The following TAF2 variants were observed in gnomAD, a reference collection of about 807,000 sequenced individuals.
The protein encoded by TAF2 is TATA-box binding protein associated factor 2, also known as transcription initiation factor TFIID subunit 2.
Under a neutral mutation model 138.5 loss-of-function variants are expected in TAF2, and 61 were observed. The ratio of observed to expected loss-of-function variants is 0.44; its 90% CI spans 0.36 to 0.54. The LOEUF is 0.54. TAF2 is among the 20% of genes least tolerant of loss of function. The probability of loss-of-function intolerance (pLI) is 0.00; values close to 1 mark genes in which losing one functional copy is unlikely to be tolerated. For missense variants in TAF2, 1,090 were observed against 1,427.9 expected (o/e 0.76, Z 3.81); for synonymous variants, 475 against 469.9 (o/e 1.01, Z -0.14).
intron 3 of TAF2, among the ~76,000 whole-genome samples, chr8:119,812,718 G>GGTGTGT (rs201947539): frequency 0.013 from 1,803 of 143,928 alleles, 26 homozygotes; most frequent in Non-Finnish European, 0.017. Flanking sequence ...AGTATTCCAT[G>GGTGTGT]GTGTGTGTGT....
intron 2 of TAF2, among the ~76,000 whole-genome samples, chr8:119,825,806 T>C (rs915104514): frequency 6.6e-6 from 1 of 151,812 alleles, no homozygotes; most frequent in Non-Finnish European, 1.5e-5. Flanking sequence ...TGCCTCAGCC[T>C]CCTGAGTAGC....
chr8:119,791,231 G>C (rs1481715374), intron 11 of TAF2, 93 bp downstream of exon 11: 9 of 1,461,036 alleles, frequency 6.2e-6, no homozygotes, highest in East Asian at 2.3e-5. Context: ...TATAAATCCA[G>C]ATGTCCTGAC....
At chr8:119,755,179 T>C (rs940019950) in intron 22 of TAF2, among the ~76,000 whole-genome samples, 1 of 152,244 alleles carries the variant, frequency 6.6e-6, no homozygotes, top group Non-Finnish European at 1.5e-5. Context: ...AACACTGTTT[T>C]CTTACCTCTT....
At chr8:119,791,275 C>T in intron 11 of TAF2, 49 bp downstream of exon 11, 3 of 1,599,142 alleles carry the variant, frequency 1.9e-6, no homozygotes, top group Non-Finnish European at 2.6e-6. Context: ...AGATTATACA[C>T]ATACAGATCT....
intron 24 of TAF2, among the ~76,000 whole-genome samples, chr8:119,743,761 T>C (rs930163811): frequency 2.0e-5 from 3 of 151,966 alleles, no homozygotes; most frequent in African/African-American, 7.2e-5. Flanking sequence ...CTACAATACA[T>C]AAAAATGAAA....
At chr8:119,737,178 A>G (rs1384079897) in intron 25 of TAF2, among the ~76,000 whole-genome samples, 4 of 152,194 alleles carry the variant, frequency 2.6e-5, no homozygotes, top group South Asian at 2.1e-4. Flanking sequence ...ATAAAAATAA[A>G]TAACGGCATT....
chr8:119,766,718 C>T (rs1821446856), intron 18 of TAF2, among the ~76,000 whole-genome samples: 1 of 152,036 alleles, frequency 6.6e-6, no homozygotes, highest in Non-Finnish European at 1.5e-5. Context: ...CCTGTAATCC[C>T]AGCTACTCGG....
chr8:119,749,727 G>A (rs545040180), intron 22 of TAF2, among the ~76,000 whole-genome samples: 1 of 152,102 alleles, frequency 6.6e-6, no homozygotes, highest in Non-Finnish European at 1.5e-5. Context: ...CAATCCCATT[G>A]GAGAGAGGCC....
At chr8:119,760,506 G>A (rs1175203279) in intron 20 of TAF2, 93 bp downstream of exon 20, 3 of 1,367,784 alleles carry the variant, frequency 2.2e-6, no homozygotes, top group South Asian at 1.2e-5. Context: ...AAATATCTGT[G>A]TTATACATAT....
chr8:119,742,834 T>C (rs571958277), intron 24 of TAF2, among the ~76,000 whole-genome samples, 178 bp from the exon 25 acceptor site: 1 of 152,124 alleles, frequency 6.6e-6, no homozygotes, highest in South Asian at 2.1e-4. Context: ...TTAATCCCAA[T>C]GCTTTGGGAG....
intron 3 of TAF2, among the ~76,000 whole-genome samples, chr8:119,811,825 A>AT (rs1449167165): frequency 6.6e-6 from 1 of 151,620 alleles, no homozygotes; most frequent in African/African-American, 2.4e-5. Context: ...AAAAAAAAAA[A>AT]AAATAACCAA....
chr8:119,819,518 G>C lies in TAF2; in HGVS notation c.139-12C>G, dbSNP rs565265901. ...AGTTCCACAAATCCCTGTAAAGATA[G>C]AGAATAACAACTTCATTATAAAGAC... On this transcript the variant is annotated splice_polypyrimidine_tract_variant and intron_variant, in intron 2 of 25. Coordinates refer to ENST00000378164, the MANE Select transcript of TAF2 (RefSeq NM_003184.4). 6.3e-7 allele frequency: 1 copy of C among 1,596,778 alleles called. No homozygotes were observed. The highest frequency in any genetic ancestry group is 1.3e-5 in the African/African-American group (1 of 74,830).
intron 10 of TAF2, among the ~76,000 whole-genome samples, 163 bp downstream of exon 10, chr8:119,793,203 C>T (rs552316652): frequency 6.6e-6 from 1 of 152,160 alleles, no homozygotes; most frequent in East Asian, 1.9e-4. Flanking sequence ...TTATTACTTC[C>T]AATCTTATGA....
At chr8:119,755,391 G>GCCTTACT (rs1225107565) in intron 22 of TAF2, among the ~76,000 whole-genome samples, 1 of 152,178 alleles carries the variant, frequency 6.6e-6, no homozygotes, top group East Asian at 1.9e-4. Context: ...CAGCTACTCG[G>GCCTTACT]GAGGGTAAGG....
Position 119,779,915 on chromosome 8 carries a change from C to G in TAF2, c.2253+1138G>C, listed in dbSNP as rs527342495. ...ATTTACTTTCTCCCACCTGACTATT[C>G]CATCTCTGCCTCTTCACTGGCTCTT... is the stretch of plus-strand genomic sequence containing the variant. On this transcript the variant is annotated intron_variant, in intron 17 of 25. Transcript: ENST00000378164. Among the ~76,000 whole-genome samples, 5 of 152,332 alleles carry G rather than the reference C, an allele frequency of 3.3e-5. No homozygotes were observed. The South Asian group carries it at 1.0e-3, about 32-fold the overall frequency.
At chr8:119,790,985 TG>T (rs71571630) in intron 11 of TAF2, among the ~76,000 whole-genome samples, 127 of 151,160 alleles carry the variant, frequency 8.4e-4, no homozygotes, top group African/African-American at 2.6e-3. Context: ...TTTTTTGAGA[TG>T]GGGGGGGTCT....
At chr8:119,754,113 G>C (rs1331232649) in intron 22 of TAF2, among the ~76,000 whole-genome samples, 3 of 152,004 alleles carry the variant, frequency 2.0e-5, no homozygotes, top group Non-Finnish European at 4.4e-5. Context: ...TAAAGACCCT[G>C]AGGACAAGGT....
chr8:119,791,207 T>C, intron 11 of TAF2, 117 bp downstream of exon 11: 1 of 1,221,332 alleles, frequency 8.2e-7, no homozygotes, highest in South Asian at 1.4e-5. Context: ...GGTTACTTAG[T>C]GGGCAAACAA....
chr8:119,800,960 T>C (rs913990786), intron 6 of TAF2, among the ~76,000 whole-genome samples: 2 of 152,218 alleles, frequency 1.3e-5, no homozygotes, highest in Admixed American at 1.3e-4. Flanking sequence ...TGGGGAGGCC[T>C]AAAACTGTGA....
Sources: allele counts gnomAD v4.1 joint callset (sites outside exome capture counted in the v4.1 genomes callset), GRCh38; gene constraint gnomAD v4.1.1; transcripts MANE v1.5; gene names NCBI Gene and HGNC (gene_info 2026-07-23, HGNC 2026-07-21).